Variants in ADGRL2 observed in about 807,000 individuals in gnomAD.
ADGRL2 encodes adhesion G protein-coupled receptor L2.
In ADGRL2, 44 loss-of-function variants were observed where a neutral mutation model predicts 157.4. The observed-to-expected ratio is 0.28, with a 90% CI of 0.22 to 0.36. The LOEUF (loss-of-function observed/expected upper bound fraction) is 0.36, where lower values mean the gene tolerates loss of function less well. ADGRL2 is among the 10% of genes least tolerant of loss of function. The pLI is 1.00. For synonymous variants in ADGRL2, 585 were observed against 624.7 expected, an observed-to-expected ratio of 0.94 and a Z score of 0.95; for missense variants, 1,510 against 1,768.9, an observed-to-expected ratio of 0.85 and a Z score of 2.63.
At chr1:81,896,398 A>G (rs1052507287) in intron 2 of ADGRL2, among the ~76,000 whole-genome samples, 1 of 152,168 alleles carries the variant, frequency 6.6e-6, no homozygotes, top group Non-Finnish European at 1.5e-5. Flanking sequence ...GAACTCTAGC[A>G]GGTCGTCAGT....
chr1:81,731,633 G>A (rs939691703), intron 1 of ADGRL2, among the ~76,000 whole-genome samples: 1 of 151,980 alleles, frequency 6.6e-6, no homozygotes, highest in Non-Finnish European at 1.5e-5. Flanking sequence ...TGTGCTTGCT[G>A]CTCTCTACGT....
intron 2 of ADGRL2, among the ~76,000 whole-genome samples, chr1:81,451,294 C>T (rs762136755): frequency 6.6e-6 from 1 of 152,088 alleles, no homozygotes; most frequent in African/African-American, 2.4e-5. Context: ...AAGTCATTAC[C>T]AATGGTGAAA....
intron 1 of ADGRL2, among the ~76,000 whole-genome samples, chr1:81,443,362 C>T (rs1327015199): frequency 1.3e-5 from 2 of 151,452 alleles, no homozygotes; most frequent in Admixed American, 6.6e-5. Flanking sequence ...GCAGAGGTTG[C>T]AACCCAGGAG....
chr1:81,725,411 C>T (rs1315310216), intron 1 of ADGRL2, among the ~76,000 whole-genome samples: 6 of 149,684 alleles, frequency 4.0e-5, no homozygotes, highest in East Asian at 4.0e-4. Context: ...TGGTAGCAGG[C>T]GCCTGTAATC....
At chr1:81,412,069 A>G (rs559543841) in intron 1 of ADGRL2, among the ~76,000 whole-genome samples, 1 of 152,184 alleles carries the variant, frequency 6.6e-6, no homozygotes, top group Admixed American at 6.5e-5. Flanking sequence ...CCAAATATAC[A>G]TAAGTTTTTC....
At chr1:81,809,176 G>C (rs1003205106) in intron 1 of ADGRL2, among the ~76,000 whole-genome samples, 1 of 151,558 alleles carries the variant, frequency 6.6e-6, no homozygotes, top group African/African-American at 2.4e-5. Flanking sequence ...TCAGACACAG[G>C]GATTACACCT....
intron 3 of ADGRL2, among the ~76,000 whole-genome samples, chr1:81,933,848 A>G (rs2095270493): frequency 6.6e-6 from 1 of 152,102 alleles, no homozygotes; most frequent in Non-Finnish European, 1.5e-5. Flanking sequence ...AGATACTGGC[A>G]TGCAAAGTTC....
At chr1:81,712,656 A>G (rs553991371) in intron 1 of ADGRL2, among the ~76,000 whole-genome samples, 36 of 152,106 alleles carry the variant, frequency 2.4e-4, no homozygotes, top group Middle Eastern at 3.4e-3. Context: ...CAACTGGGAT[A>G]TATATAACTA....
intron 2 of ADGRL2, among the ~76,000 whole-genome samples, chr1:81,537,078 T>C (rs1277882598): frequency 6.6e-6 from 1 of 152,202 alleles, no homozygotes; most frequent in Non-Finnish European, 1.5e-5. Flanking sequence ...ACAAAACATT[T>C]CAAACCTCTT....
chr1:81,634,644 C>T (rs2082081085), intron 3 of ADGRL2, among the ~76,000 whole-genome samples: 1 of 151,964 alleles, frequency 6.6e-6, no homozygotes, highest in Non-Finnish European at 1.5e-5. Context: ...CAGTCCCAGC[C>T]TCCCGAGTAG....
intron 3 of ADGRL2, among the ~76,000 whole-genome samples, chr1:81,650,758 T>G (rs987071987): frequency 1.3e-5 from 2 of 152,160 alleles, no homozygotes; most frequent in Admixed American, 6.6e-5. Context: ...GATTTTTTAC[T>G]TAAAGACCTA....
intron 2 of ADGRL2, among the ~76,000 whole-genome samples, chr1:81,869,245 C>T (rs953444766): frequency 8.6e-5 from 13 of 151,626 alleles, no homozygotes; most frequent in Non-Finnish European, 1.5e-4. Flanking sequence ...TTTTTCTTTC[C>T]TTTTCACCTT....
chr1:81,949,742 A>T (rs2149053525), intron 6 of ADGRL2, among the ~76,000 whole-genome samples: 1 of 152,252 alleles, frequency 6.6e-6, no homozygotes, highest in South Asian at 2.1e-4. Flanking sequence ...GTGACTTTAA[A>T]TTTTTTTATC....
At chr1:81,938,150 G>T (rs996085951) in intron 4 of ADGRL2, among the ~76,000 whole-genome samples, 2 of 151,722 alleles carry the variant, frequency 1.3e-5, no homozygotes, top group African/African-American at 2.4e-5. Flanking sequence ...CATTTCTCCT[G>T]TGTAGTGTTG....
chr1:81,732,281 G>A (rs1229161256), intron 1 of ADGRL2, among the ~76,000 whole-genome samples: 1 of 152,172 alleles, frequency 6.6e-6, no homozygotes, highest in Non-Finnish European at 1.5e-5. Context: ...CCAGCTGTAA[G>A]AAATACATCA....
intron 2 of ADGRL2, among the ~76,000 whole-genome samples, chr1:81,567,466 T>C (rs749357188): frequency 2.6e-5 from 4 of 152,128 alleles, no homozygotes; most frequent in Admixed American, 6.6e-5. Context: ...AAGGAAAATA[T>C]GTAGGGCACT....
In ADGRL2 at chr1:81,868,499, C is replaced by T. The variant is rs371418463; in HGVS notation, c.73+31442C>T. ...TCCAGCTTGCCATGGAGCTACCCTT[C>T]GGTAAGCTCTCCTGGGTTCAGCCAT... On this transcript the variant is annotated intron_variant, in intron 2 of 23. Transcript: ENST00000686636. Among the ~76,000 whole-genome samples, 29 of 152,198 alleles carry T rather than the reference C, an allele frequency of 1.9e-4. No homozygotes were observed. The South Asian group carries it at 2.1e-3, about 11-fold the overall frequency.
chr1:81,543,829 G>A (rs1179799537), intron 2 of ADGRL2, among the ~76,000 whole-genome samples: 1 of 152,160 alleles, frequency 6.6e-6, no homozygotes, highest in Non-Finnish European at 1.5e-5. Context: ...CTCTTCTCGA[G>A]TTTTTCTAAA....
At chr1:81,901,073 C>T (rs961685828) in intron 2 of ADGRL2, among the ~76,000 whole-genome samples, 7 of 152,034 alleles carry the variant, frequency 4.6e-5, no homozygotes, top group Admixed American at 1.3e-4. Context: ...AATCTGAAAC[C>T]GGAGTTGCTA....
Sources: gnomAD v4.1 joint callset for allele counts (sites outside exome capture counted in the v4.1 genomes callset) on GRCh38, gnomAD v4.1.1 for gene constraint, MANE v1.5 for transcripts, NCBI Gene and HGNC (gene_info 2026-07-23, HGNC 2026-07-21) for gene names.